Variants in CFAP44 observed in about 807,000 individuals in gnomAD.
CFAP44 encodes cilia- and flagella-associated protein 44.
A neutral mutation model predicts 216.2 loss-of-function variants in CFAP44; 134 were observed. The ratio of observed to expected loss-of-function variants is 0.62; its 90% CI spans 0.54 to 0.72. CFAP44 has a LOEUF of 0.72. Among genes scored for constraint, CFAP44 ranks in the 30% least tolerant of loss-of-function variants. The pLI is 0.00. For synonymous variants in CFAP44, 700 were observed against 727.6 expected, an observed-to-expected ratio of 0.96 and a Z score of 0.61; for missense variants, 2,035 against 2,182.1, an observed-to-expected ratio of 0.93 and a Z score of 1.34.
chr3:113,389,965 TGAG>T (rs1933752130), intron 15 of CFAP44, among the ~76,000 whole-genome samples: 1 of 151,824 alleles, frequency 6.6e-6, no homozygotes, highest in Admixed American at 6.6e-5. Flanking sequence ...TTATGAAAAA[TGAG>T]GAGAAGGGAA....
Position 113,396,707 on chromosome 3 carries a change from T to C in CFAP44, c.1590A>G (p.Gln530=). 2 of 1,613,850 alleles carry C rather than the reference T, an allele frequency of 1.2e-6. No individual in the cohort carries two copies. The highest frequency in any genetic ancestry group is 1.7e-6 in the Non-Finnish European group (2 of 1,179,886). The change falls in exon 14 of 35, where the codon CAA becomes CAG. Residue 530 remains glutamine (Q), a synonymous_variant. Coordinates refer to ENST00000393845, the MANE Select transcript of CFAP44 (RefSeq NM_001164496.2). The part of the protein sequence containing the change: ...VPRMVNFTGA[Q]IIVGFEDGVV... ...CTCCATCTTCAAATCCTACAATAAT[T>C]TGTGCTCCAGTGAAGTTTACCTTGG...
intron 15 of CFAP44, among the ~76,000 whole-genome samples, chr3:113,390,609 CA>C (rs1159756618): frequency 6.6e-6 from 1 of 151,862 alleles, no homozygotes; most frequent in Non-Finnish European, 1.5e-5. Context: ...AAGACGCCAC[CA>C]AAAAACTATT....
chr3:113,415,797 T>A (rs12636607), intron 6 of CFAP44, among the ~76,000 whole-genome samples: 37,705 of 151,976 alleles, frequency 0.25, 5,410 homozygotes, highest in East Asian at 0.58. Context: ...TCGATTTTAG[T>A]ATAAGTATCA....
chr3:113,328,158 T>C (rs1950204056), intron 26 of CFAP44, among the ~76,000 whole-genome samples: 1 of 151,798 alleles, frequency 6.6e-6, no homozygotes. Flanking sequence ...TTATTCTCCA[T>C]AGTATCTCTA....
At chr3:113,415,555 A>T (rs193207616) in intron 6 of CFAP44, among the ~76,000 whole-genome samples, 1 of 152,278 alleles carries the variant, frequency 6.6e-6, no homozygotes, top group African/African-American at 2.4e-5. Flanking sequence ...AGATTCTGGT[A>T]TATCCTCTCT....
intron 6 of CFAP44, among the ~76,000 whole-genome samples, chr3:113,410,151 TC>T (rs1934415495): frequency 6.6e-6 from 1 of 151,562 alleles, no homozygotes; most frequent in Admixed American, 6.6e-5. Flanking sequence ...AAACTTGTTT[TC>T]TTTTTTTTTT....
At chr3:113,324,280 C>T (rs1269245382) in intron 28 of CFAP44, among the ~76,000 whole-genome samples, 4 of 151,716 alleles carry the variant, frequency 2.6e-5, no homozygotes, top group Non-Finnish European at 4.4e-5. Context: ...TTTTTATTAC[C>T]CTGATACTAA....
rs1559900894 is a variant in CFAP44, at chr3:113,289,862, G to A, written c.*1695C>T. On this transcript the variant is annotated 3_prime_UTR_variant, in exon 35 of 35. Transcript: ENST00000393845. Reference sequence around the variant, plus strand: ...GGAGAGGCCCACATGGCGAGGAACTGAAGCCCTGCCTAATGGCCAAGGGAG... The same window carrying A: ...GGAGAGGCCCACATGGCGAGGAACTAAAGCCCTGCCTAATGGCCAAGGGAG... 1 of 152,288 alleles carries A rather than the reference G, an allele frequency of 6.6e-6. No homozygotes were observed. The highest frequency in any genetic ancestry group is 1.5e-5 in the Non-Finnish European group (1 of 68,088). 9.4% of individuals were successfully genotyped at this position (152,288 alleles called of 1,614,324 possible). A position where few individuals can be genotyped will look rare whatever the true frequency, so the allele number is the denominator to read the frequency against.
At chr3:113,326,083 C>A (rs1553753646) in intron 28 of CFAP44, among the ~76,000 whole-genome samples, 3 of 152,152 alleles carry the variant, frequency 2.0e-5, no homozygotes, top group Non-Finnish European at 4.4e-5. Context: ...CCAAACTCAA[C>A]AGTAAAAAAA....
chr3:113,360,975 A>G, intron 21 of CFAP44: 1 of 282,144 alleles, frequency 3.5e-6, no homozygotes, highest in South Asian at 4.8e-5. Flanking sequence ...ATGAATTTTG[A>G]TGGTGGATTT....
chr3:113,420,039 C>T lies in CFAP44; in HGVS notation c.548G>A (p.Gly183Asp). 3 of 1,613,614 alleles carry T rather than the reference C, an allele frequency of 1.9e-6. No individual in the cohort carries two copies. In the South Asian group the frequency reaches 3.3e-5, roughly 18 times the overall value. ...TACCCCAATGACGCCAATTCCTTCA[C>T]CACTGCTACTTCGCAGGTAGATCTG... ...KEQIYLRSSS[G>D]EGIGVIGVHP... The change falls in exon 5 of 35, where the codon GGT (glycine) becomes GAT (aspartate). Residue 183 changes from glycine (G) to aspartate (D), a missense_variant. Physicochemically the swap from Gly to Asp is moderately conservative, Grantham distance 94. Around this residue, in one of 3 missense-constraint regions of CFAP44, gnomAD observed 1,883 missense variants for 2,023.7 expected, o/e 0.93. Coordinates refer to ENST00000393845, the MANE Select transcript of CFAP44 (RefSeq NM_001164496.2).
Position 113,427,254 on chromosome 3 carries a change from G to T in CFAP44, c.186C>A (p.Asp62Glu). Residue 62 changes from aspartate (D) to glutamate (E), a missense_variant, in exon 3 of 35, where the codon GAC becomes GAA. Asp to Glu is a conservative substitution (Grantham distance 45, BLOSUM62 2). Around this residue, in one of 3 missense-constraint regions of CFAP44, gnomAD observed 149 missense variants for 141.8 expected, o/e 1.05. Coordinates refer to ENST00000393845, the MANE Select transcript of CFAP44 (RefSeq NM_001164496.2). Reference sequence around the variant, plus strand: ...TTCCTTCCAAACGTTCCTCATCTGAGTCTTCTTCTAAATATGATCCTTCCC... The same window carrying T: ...TTCCTTCCAAACGTTCCTCATCTGATTCTTCTTCTAAATATGATCCTTCCC... Reference protein sequence around the residue: ...TKGEGSYLEEDSDEERLEGSL... With the variant: ...TKGEGSYLEEESDEERLEGSL... 1 of 1,613,446 alleles carries T rather than the reference G, an allele frequency of 6.2e-7. No individual in the cohort carries two copies. The highest frequency in any genetic ancestry group is 2.2e-5 in the East Asian group (1 of 44,778).
At chr3:113,324,505 A>G (rs1950173019) in intron 28 of CFAP44, among the ~76,000 whole-genome samples, 1 of 152,252 alleles carries the variant, frequency 6.6e-6, no homozygotes, top group South Asian at 2.1e-4. Flanking sequence ...TAGGCTAAAA[A>G]GAAAATTACA....
chr3:113,359,505 G>A (rs905446973), intron 21 of CFAP44, among the ~76,000 whole-genome samples: 5 of 152,260 alleles, frequency 3.3e-5, no homozygotes, highest in African/African-American at 1.2e-4. Context: ...CACAGCACTT[G>A]CCTCAGTTGT....
chr3:113,393,556 A>G (rs1933902882), intron 15 of CFAP44, among the ~76,000 whole-genome samples: 1 of 151,538 alleles, frequency 6.6e-6, no homozygotes, highest in Non-Finnish European at 1.5e-5. Flanking sequence ...ATAGGGTCTC[A>G]CTCTTGACAC....
chr3:113,426,016 C>A, intron 4 of CFAP44, 108 bp downstream of exon 4: 4 of 1,349,276 alleles, frequency 3.0e-6, no homozygotes, highest in Non-Finnish European at 4.0e-6. Context: ...ACTTGATTTA[C>A]CAAAACAGGT....
intron 33 of CFAP44, among the ~76,000 whole-genome samples, chr3:113,295,798 G>A (rs542451591): frequency 1.3e-5 from 2 of 152,272 alleles, no homozygotes; most frequent in East Asian, 3.9e-4. Context: ...TTACTTAGAG[G>A]TGTTTCATAA....
At chr3:113,428,018 A>G (rs1935007334) in intron 2 of CFAP44, among the ~76,000 whole-genome samples, 1 of 152,212 alleles carries the variant, frequency 6.6e-6, no homozygotes, top group Non-Finnish European at 1.5e-5. Context: ...CCCAAGACTA[A>G]TATGAGTAAG....
At chr3:113,365,715 G>T (rs1448866870) in intron 19 of CFAP44, among the ~76,000 whole-genome samples, 4 of 151,662 alleles carry the variant, frequency 2.6e-5, no homozygotes, top group African/African-American at 9.7e-5. Flanking sequence ...AAAAGCAAAA[G>T]AAAATCTGAA....
Sources: allele counts gnomAD v4.1 joint callset (sites outside exome capture counted in the v4.1 genomes callset), GRCh38; gene constraint gnomAD v4.1.1; regional missense constraint gnomAD v4.1.1; transcripts MANE v1.5; gene names NCBI Gene and HGNC (gene_info 2026-07-23, HGNC 2026-07-21).